The following CADPS2 variants were observed in gnomAD, a reference collection of about 807,000 sequenced individuals.
CADPS2 encodes calcium dependent secretion activator 2.
Under a neutral mutation model 172.5 loss-of-function variants are expected in CADPS2, and 93 were observed. The ratio of observed to expected loss-of-function variants is 0.54; its 90% CI spans 0.46 to 0.64. CADPS2 has a LOEUF of 0.64. CADPS2 is among the 30% of genes least tolerant of loss of function. The pLI is 0.00. For missense variants in CADPS2, 1,420 were observed against 1,565.9 expected, an observed-to-expected ratio of 0.91 and a Z score of 1.57; for synonymous variants, 546 against 555.2, an observed-to-expected ratio of 0.98 and a Z score of 0.23.
intron 8 of CADPS2, among the ~76,000 whole-genome samples, chr7:122,526,693 C>T (rs1331889803): frequency 6.6e-6 from 1 of 152,096 alleles, no homozygotes; most frequent in African/African-American, 2.4e-5. Flanking sequence ...CATTTATTAC[C>T]GTCTTCTTAG....
At chr7:122,716,915 A>G (rs181978105) in intron 2 of CADPS2, among the ~76,000 whole-genome samples, 55 of 152,238 alleles carry the variant, frequency 3.6e-4, no homozygotes, top group African/African-American at 1.3e-3. Flanking sequence ...TTTTGTCCCT[A>G]CTTGCAATGT....
intron 11 of CADPS2, 68 bp downstream of exon 11, chr7:122,490,013 T>C: frequency 7.5e-7 from 1 of 1,325,578 alleles, no homozygotes; most frequent in Non-Finnish European, 1.1e-6. Context: ...ACTGAATACA[T>C]TTGCCTCAAT....
chr7:122,545,486 A>T (rs2131740801), intron 8 of CADPS2, among the ~76,000 whole-genome samples: 1 of 152,292 alleles, frequency 6.6e-6, no homozygotes, highest in African/African-American at 2.4e-5. Flanking sequence ...TTTTTGAAGA[A>T]TCTGAATGCT....
intron 1 of CADPS2, among the ~76,000 whole-genome samples, chr7:122,738,460 A>G (rs1729902331): frequency 1.3e-5 from 2 of 152,092 alleles, no homozygotes. Context: ...AGATAAAACA[A>G]CAAATTCCAA....
intron 2 of CADPS2, among the ~76,000 whole-genome samples, chr7:122,725,214 G>T (rs563584540): frequency 6.6e-6 from 1 of 152,038 alleles, no homozygotes; most frequent in African/African-American, 2.4e-5. Flanking sequence ...TATCTTAGAG[G>T]TTAGTGAATA....
At chr7:122,683,081 G>A (rs941348390) in intron 2 of CADPS2, among the ~76,000 whole-genome samples, 1 of 152,206 alleles carries the variant, frequency 6.6e-6, no homozygotes, top group African/African-American at 2.4e-5. Flanking sequence ...CAGGTCACAT[G>A]AACAGATTGA....
intron 6 of CADPS2, 28 bp downstream of exon 6, chr7:122,615,153 A>G (rs1273836445): frequency 3.0e-6 from 4 of 1,352,714 alleles, no homozygotes; most frequent in Non-Finnish European, 4.1e-6. Context: ...AAACAACAAC[A>G]ATAATACACT....
chr7:122,659,168 T>C (rs2080201838), intron 3 of CADPS2, among the ~76,000 whole-genome samples: 1 of 151,950 alleles, frequency 6.6e-6, no homozygotes, highest in African/African-American at 2.4e-5. Context: ...AGACAGATGT[T>C]AGAATTATCA....
intron 12 of CADPS2, among the ~76,000 whole-genome samples, chr7:122,475,691 G>T (rs2056551492): frequency 6.6e-6 from 1 of 152,080 alleles, no homozygotes; most frequent in African/African-American, 2.4e-5. Context: ...TTTGTAGATG[G>T]AAGAACTACA....
chr7:122,717,034 G>C (rs922954009), intron 2 of CADPS2, among the ~76,000 whole-genome samples: 2 of 152,126 alleles, frequency 1.3e-5, no homozygotes, highest in Admixed American at 6.6e-5. Context: ...TTGCCACTTA[G>C]AACTTTATAA....
intron 1 of CADPS2, among the ~76,000 whole-genome samples, chr7:122,814,412 T>C (rs1800802366): frequency 6.6e-6 from 1 of 152,040 alleles, no homozygotes; most frequent in African/African-American, 2.4e-5. Context: ...ACATGGTTGG[T>C]AAAAATAATA....
At chr7:122,690,861 T>C (rs982136570) in intron 2 of CADPS2, among the ~76,000 whole-genome samples, 2 of 152,170 alleles carry the variant, frequency 1.3e-5, no homozygotes, top group African/African-American at 2.4e-5. Flanking sequence ...ATAGTGTCAG[T>C]AGAATGGCCG....
chr7:122,800,033 A>G (rs1338661134), intron 1 of CADPS2, among the ~76,000 whole-genome samples: 1 of 152,246 alleles, frequency 6.6e-6, no homozygotes, highest in Admixed American at 6.5e-5. Flanking sequence ...AAACCACATC[A>G]TATGCAAACA....
At chr7:122,478,310 ACTATCAAAACAAACCAACAAG>A (rs1440381713) in intron 12 of CADPS2, among the ~76,000 whole-genome samples, 1 of 152,238 alleles carries the variant, frequency 6.6e-6, no homozygotes, top group African/African-American at 2.4e-5. Flanking sequence ...CAATATGACA[ACTATCAAAACAAACCAACAAG>A]CTATGAGCTT....
rs1354031114 is a variant in CADPS2, at chr7:122,541,144, G to A, written c.1475+13406C>T. Among the ~76,000 whole-genome samples, 5 of 151,238 alleles carry A rather than the reference G, an allele frequency of 3.3e-5. No individual in the cohort carries two copies. In the East Asian group the frequency reaches 9.7e-4, roughly 29 times the overall value. On this transcript the variant is annotated intron_variant, in intron 8 of 29. Coordinates refer to ENST00000449022, the MANE Select transcript of CADPS2 (RefSeq NM_017954.11). ...GGTTCAGAATGAAATAGAAAAAGCA[G>A]CACTTTTAACTTTCATATACCTAAG... is the stretch of plus-strand genomic sequence containing the variant.
intron 7 of CADPS2, among the ~76,000 whole-genome samples, chr7:122,571,001 T>G (rs2067183715): frequency 6.6e-6 from 1 of 151,986 alleles, no homozygotes; most frequent in African/African-American, 2.4e-5. Flanking sequence ...ACCTGCACAT[T>G]GTGCATATGT....
chr7:122,775,746 T>G (rs1010915935), intron 1 of CADPS2, among the ~76,000 whole-genome samples: 5 of 152,196 alleles, frequency 3.3e-5, no homozygotes, highest in African/African-American at 1.2e-4. Context: ...CCTTCCTGGA[T>G]TGTATTGATG....
chr7:122,562,489 G>A (rs558772388), intron 7 of CADPS2, among the ~76,000 whole-genome samples: 3 of 152,262 alleles, frequency 2.0e-5, no homozygotes, highest in African/African-American at 4.8e-5. Context: ...GAAAGGAACA[G>A]AACCCTGCTG....
intron 1 of CADPS2, chr7:122,850,495 G>A: frequency 4.5e-6 from 1 of 222,542 alleles, no homozygotes; most frequent in Non-Finnish European, 8.9e-6. Flanking sequence ...TGGCAGGGGG[G>A]CGGGGAGCAC....
Sources: gnomAD v4.1 joint callset for allele counts (sites outside exome capture counted in the v4.1 genomes callset) on GRCh38, gnomAD v4.1.1 for gene constraint, MANE v1.5 for transcripts, NCBI Gene and HGNC (gene_info 2026-07-23, HGNC 2026-07-21) for gene names.